The following DRC8 variants were observed in gnomAD, a reference collection of about 807,000 sequenced individuals.
The protein encoded by DRC8 is dynein regulatory complex protein 8.
chr1:245,038,156 A>C, the DRC8 span, among the ~76,000 whole-genome samples: 1 of 152,174 alleles, frequency 6.6e-6, no homozygotes, highest in South Asian at 2.1e-4. Context: ...AGTTAGCAAG[A>C]ATAGGCAAGA....
chr1:244,976,204 G>A, the DRC8 span, among the ~76,000 whole-genome samples: 1 of 152,126 alleles, frequency 6.6e-6, no homozygotes, highest in Non-Finnish European at 1.5e-5. Flanking sequence ...GGGGGATGGA[G>A]GTTGCAGTGA....
At chr1:245,036,419 G>GA in the DRC8 span, among the ~76,000 whole-genome samples, 1 of 152,192 alleles carries the variant, frequency 6.6e-6, no homozygotes, top group Non-Finnish European at 1.5e-5. Context: ...AGCCACTTTA[G>GA]AAAACAGTTT....
the DRC8 span, among the ~76,000 whole-genome samples, chr1:245,025,640 G>A: frequency 1.8e-4 from 27 of 152,220 alleles, no homozygotes; most frequent in Admixed American, 1.5e-3. Flanking sequence ...TGCCTTTACA[G>A]TGCGACCTTA....
chr1:245,067,923 T>C, the DRC8 span, among the ~76,000 whole-genome samples: 2 of 152,354 alleles, frequency 1.3e-5, no homozygotes, highest in African/African-American at 4.8e-5. Flanking sequence ...ATGGAATTGA[T>C]CTGCTCTAAT....
At chr1:245,114,882 T>C in the DRC8 span, among the ~76,000 whole-genome samples, 1 of 151,752 alleles carries the variant, frequency 6.6e-6, no homozygotes, top group Non-Finnish European at 1.5e-5. Flanking sequence ...CATGCCACCA[T>C]GCCCAACTAA....
At chr1:245,069,776 G>A in the DRC8 span, among the ~76,000 whole-genome samples, 4 of 152,190 alleles carry the variant, frequency 2.6e-5, no homozygotes, top group Non-Finnish European at 5.9e-5. Context: ...GCATGGGGGT[G>A]CACCCCAATA....
the DRC8 span, among the ~76,000 whole-genome samples, chr1:245,095,099 T>C: frequency 6.6e-6 from 1 of 152,180 alleles, no homozygotes; most frequent in Non-Finnish European, 1.5e-5. Flanking sequence ...CAAGGAAGCA[T>C]GGTGCAAGAG....
At chr1:245,113,674 T>C in the DRC8 span, among the ~76,000 whole-genome samples, 1 of 152,180 alleles carries the variant, frequency 6.6e-6, no homozygotes, top group African/African-American at 2.4e-5. Context: ...GCTGGAAATA[T>C]ATTAAAGTAA....
chr1:245,119,405 G>A, the DRC8 span, among the ~76,000 whole-genome samples: 1 of 151,440 alleles, frequency 6.6e-6, no homozygotes, highest in African/African-American at 2.4e-5. Context: ...CTGGCACAGT[G>A]GCTCATGCCT....
At chr1:245,065,932 A>G in the DRC8 span, among the ~76,000 whole-genome samples, 3 of 151,800 alleles carry the variant, frequency 2.0e-5, no homozygotes, top group Non-Finnish European at 4.4e-5. Context: ...AGTGGGGAAA[A>G]CTGAGAGGGA....
chr1:244,970,577 G>A, the DRC8 span: 3 of 1,162,230 alleles, frequency 2.6e-6, no homozygotes, highest in Middle Eastern at 2.9e-4. Context: ...GCCTGAGGAG[G>A]GGGCCACCCG....
the DRC8 span, among the ~76,000 whole-genome samples, chr1:245,042,073 C>A: frequency 2.9e-4 from 44 of 152,164 alleles, no homozygotes; most frequent in African/African-American, 8.9e-4. Flanking sequence ...CTAAAATTCG[C>A]TTAGATTTAT....
the DRC8 span, among the ~76,000 whole-genome samples, chr1:245,074,574 G>A: frequency 1.3e-5 from 2 of 152,134 alleles, no homozygotes; most frequent in African/African-American, 4.8e-5. Context: ...ACTAAGTACC[G>A]GATTTAGCCA....
the DRC8 span, among the ~76,000 whole-genome samples, chr1:245,107,503 A>G: frequency 9.2e-5 from 14 of 152,196 alleles, no homozygotes; most frequent in Non-Finnish European, 1.9e-4. Flanking sequence ...AACACCGCCA[A>G]ATCTCCCTTT....
chr1:245,069,450 A>C, the DRC8 span, among the ~76,000 whole-genome samples: 524 of 152,264 alleles, frequency 3.4e-3, 2 homozygotes, highest in Non-Finnish European at 5.7e-3. Flanking sequence ...TTGCTGTTCC[A>C]GGGTAACAGA....
the DRC8 span, among the ~76,000 whole-genome samples, chr1:245,057,134 G>A: frequency 6.6e-6 from 1 of 152,148 alleles, no homozygotes; most frequent in Non-Finnish European, 1.5e-5. Flanking sequence ...ACCGTTGGCT[G>A]TGATTGGCCG....
At chr1:245,024,970 T>A in the DRC8 span, among the ~76,000 whole-genome samples, 1 of 152,366 alleles carries the variant, frequency 6.6e-6, no homozygotes, top group South Asian at 2.1e-4. Context: ...TCTTTTTCTA[T>A]ATGAAAGGTC....
the DRC8 span, among the ~76,000 whole-genome samples, chr1:245,093,879 C>T: frequency 2.4e-4 from 36 of 152,228 alleles, no homozygotes; most frequent in African/African-American, 7.7e-4. Context: ...TCCCCCCACA[C>T]GCCCCGGCAT....
the DRC8 span, among the ~76,000 whole-genome samples, chr1:245,098,979 A>G: frequency 1.2e-4 from 18 of 152,344 alleles, no homozygotes; most frequent in African/African-American, 3.8e-4. Flanking sequence ...AACGGGCAAC[A>G]TGTGATCCTC....
Sources: gnomAD v4.1 joint callset for allele counts (sites outside exome capture counted in the v4.1 genomes callset) on GRCh38, gnomAD v4.1.1 for gene constraint, MANE v1.5 for transcripts, NCBI Gene and HGNC (gene_info 2026-07-23, HGNC 2026-07-21) for gene names.